Variants in RASGRP3 observed in about 807,000 individuals in gnomAD.
RASGRP3 encodes RAS guanyl releasing protein 3.
In RASGRP3, 54 loss-of-function variants were observed where a neutral mutation model predicts 82.7. The ratio of observed to expected loss-of-function variants is 0.65; its 90% confidence interval spans 0.52 to 0.82. The LOEUF (loss-of-function observed/expected upper bound fraction) is 0.82, where lower values mean the gene tolerates loss of function less well. RASGRP3 is among the 40% of genes least tolerant of loss of function. RASGRP3 has a pLI of 0.00. For synonymous variants in RASGRP3, 309 were observed against 300.5 expected, an observed-to-expected ratio of 1.03 and a Z score of -0.29; for missense variants, 861 against 828.9, an observed-to-expected ratio of 1.04 and a Z score of -0.48.
At chr2:33,449,901 A>T (rs2150883024) in intron 2 of RASGRP3, among the ~76,000 whole-genome samples, 1 of 152,346 alleles carries the variant, frequency 6.6e-6, no homozygotes, top group African/African-American at 2.4e-5. Flanking sequence ...GTAACAAATC[A>T]TTCCAAAACT....
chr2:33,491,644 T>A (rs1196543252), intron 1 of RASGRP3, among the ~76,000 whole-genome samples: 2 of 152,264 alleles, frequency 1.3e-5, no homozygotes, highest in Non-Finnish European at 2.9e-5. Flanking sequence ...TGCATTGCGT[T>A]TGCATCTGAA....
intron 11 of RASGRP3, among the ~76,000 whole-genome samples, chr2:33,536,935 A>G (rs1257959335): frequency 6.6e-6 from 1 of 152,172 alleles, no homozygotes; most frequent in Non-Finnish European, 1.5e-5. Flanking sequence ...CTCTTTTAGC[A>G]GTTGCTGTCC....
rs1419296128 is a variant in RASGRP3, at chr2:33,542,744, C to T, written c.1279-768C>T. On this transcript the variant is annotated intron_variant, in intron 12 of 17. Coordinates refer to ENST00000403687, the MANE Select transcript of RASGRP3 (RefSeq NM_001139488.2). ...TGTTGCCCAGGCTGGAGTGCAATGG[C>T]GCCATCTTGGCTCACTGCAACCTCC... Among the ~76,000 whole-genome samples, 8 of 126,548 alleles carry T rather than the reference C, an allele frequency of 6.3e-5. 1 individual carries two copies. The highest frequency in any genetic ancestry group is 2.5e-4 in the South Asian group (1 of 4,006). 83.0% of individuals were successfully genotyped at this position (126,548 alleles called of 152,430 possible).
intron 1 of RASGRP3, among the ~76,000 whole-genome samples, chr2:33,479,220 G>A (rs997459358): frequency 6.6e-6 from 1 of 152,198 alleles, no homozygotes; most frequent in African/African-American, 2.4e-5. Flanking sequence ...GACAGTCCAA[G>A]CCCAAGCTCT....
intron 2 of RASGRP3, among the ~76,000 whole-genome samples, chr2:33,459,093 T>C (rs941159201): frequency 6.6e-6 from 1 of 152,172 alleles, no homozygotes; most frequent in Non-Finnish European, 1.5e-5. Flanking sequence ...TTAATGCCTC[T>C]CATATTACAA....
At chr2:33,535,648 C>T (rs1258486000) in intron 11 of RASGRP3, among the ~76,000 whole-genome samples, 2 of 152,220 alleles carry the variant, frequency 1.3e-5, no homozygotes, top group Admixed American at 1.3e-4. Flanking sequence ...CTTCCATGAG[C>T]ATGTTCTCCT....
intron 1 of RASGRP3, among the ~76,000 whole-genome samples, chr2:33,440,804 A>G (rs1665182420): frequency 6.6e-6 from 1 of 152,322 alleles, no homozygotes; most frequent in African/African-American, 2.4e-5. Context: ...ATGTGTGGCT[A>G]AAACATACTT....
rs1288539479 is a variant in RASGRP3, at chr2:33,450,836, T to C, written c.-261+2893T>C. Among the ~76,000 whole-genome samples the C allele has an allele frequency of 2.1e-4, 17 of 79,138 alleles. 1 individual carries two copies. Among genetic ancestry groups the C allele is most frequent in the African/African-American group, 8.0e-4 (17 of 21,320 alleles). 51.9% of individuals were successfully genotyped at this position (79,138 alleles called of 152,430 possible). A position where few individuals can be genotyped will look rare whatever the true frequency, so the allele number is the denominator to read the frequency against. On this transcript the variant is annotated intron_variant, in intron 2 of 18. Coordinates refer to the RASGRP3 transcript ENST00000402538. Reference sequence around the variant, plus strand: ...TTTCTTTCTTTCTTTTTTTTTTTTTTTTTTTTTTTTTTTTTTTTTGAGACA... The same window carrying C: ...TTTCTTTCTTTCTTTTTTTTTTTTTCTTTTTTTTTTTTTTTTTTTGAGACA...
chr2:33,450,697 C>T (rs186148116), intron 2 of RASGRP3, among the ~76,000 whole-genome samples: 111 of 151,594 alleles, frequency 7.3e-4, no homozygotes, highest in Non-Finnish European at 1.5e-3. Flanking sequence ...GTAGGTATCT[C>T]TTTGACATGC....
At chr2:33,501,925 A>G (rs1239878464) in intron 1 of RASGRP3, among the ~76,000 whole-genome samples, 2 of 152,220 alleles carry the variant, frequency 1.3e-5, no homozygotes, top group African/African-American at 4.8e-5. Context: ...TAGCATAAGA[A>G]GACAATGAAG....
At chr2:33,505,928 T>G (rs905735791) in intron 1 of RASGRP3, among the ~76,000 whole-genome samples, 2 of 152,246 alleles carry the variant, frequency 1.3e-5, no homozygotes, top group African/African-American at 4.8e-5. Context: ...TATTTATTAC[T>G]AAAGCTTCTC....
chr2:33,466,952 C>T (rs2054132), intron 2 of RASGRP3, among the ~76,000 whole-genome samples: 129,516 of 151,982 alleles, frequency 0.85, 55,418 homozygotes, highest in African/African-American at 0.92. Context: ...GCAGGCTAGT[C>T]AACCTCACGA....
At chr2:33,492,074 G>A (rs1668890956) in intron 1 of RASGRP3, among the ~76,000 whole-genome samples, 1 of 152,214 alleles carries the variant, frequency 6.6e-6, no homozygotes, top group Non-Finnish European at 1.5e-5. Context: ...CTTGGGAGGA[G>A]ATGAAAATTT....
chr2:33,524,403 T>C, intron 8 of RASGRP3, 29 bp from the exon 9 acceptor site: 1 of 1,373,490 alleles, frequency 7.3e-7, no homozygotes, highest in Non-Finnish European at 1.0e-6. Flanking sequence ...TGAAAATCCT[T>C]AAAAAGCATT....
chr2:33,505,544 C>T (rs548499344), intron 1 of RASGRP3, among the ~76,000 whole-genome samples: 7 of 152,114 alleles, frequency 4.6e-5, no homozygotes, highest in African/African-American at 7.2e-5. Context: ...TCAGGTGATC[C>T]GCCCACAGCC....
chr2:33,563,291 A>G lies in RASGRP3; in HGVS notation c.*554A>G, dbSNP rs1208631028. 1 of 152,794 alleles carries G rather than the reference A, an allele frequency of 6.5e-6. No individual in the cohort carries two copies. Among genetic ancestry groups the G allele is most frequent in the East Asian group, 1.9e-4 (1 of 5,204 alleles). 9.5% of individuals were successfully genotyped at this position (152,794 alleles called of 1,614,324 possible). A position where few individuals can be genotyped will look rare whatever the true frequency, so the allele number is the denominator to read the frequency against. On this transcript the variant is annotated 3_prime_UTR_variant, in exon 18 of 18. Coordinates refer to ENST00000403687, the MANE Select transcript of RASGRP3 (RefSeq NM_001139488.2). ...CATTTTCCTGAGGACTAGGAAGCTCATCAGACACTGGAATGCAGTGATTCT... is the reference window on the plus strand; with the variant it reads ...CATTTTCCTGAGGACTAGGAAGCTCGTCAGACACTGGAATGCAGTGATTCT...
chr2:33,510,215 T>A (rs1390654195), intron 1 of RASGRP3, among the ~76,000 whole-genome samples: 1 of 152,258 alleles, frequency 6.6e-6, no homozygotes, highest in African/African-American at 2.4e-5. Flanking sequence ...GAAATTCTTT[T>A]ATCTTGGAAT....
chr2:33,554,321 T>C (rs1404028634), intron 14 of RASGRP3, among the ~76,000 whole-genome samples: 1 of 152,162 alleles, frequency 6.6e-6, no homozygotes, highest in Non-Finnish European at 1.5e-5. Context: ...TTTTATTAAG[T>C]AGATAATAGC....
chr2:33,476,919 A>G (rs567250459), intron 1 of RASGRP3, among the ~76,000 whole-genome samples: 17 of 115,418 alleles, frequency 1.5e-4, no homozygotes, highest in Non-Finnish European at 2.5e-4. Context: ...AGAACCTGTT[A>G]TTTTCGGCAA....
Sources: gnomAD v4.1 joint callset for allele counts (sites outside exome capture counted in the v4.1 genomes callset) on GRCh38, gnomAD v4.1.1 for gene constraint, MANE v1.5 for transcripts, NCBI Gene and HGNC (gene_info 2026-07-23, HGNC 2026-07-21) for gene names.